Variants in PIEZO2 observed in about 807,000 individuals in gnomAD.
The protein encoded by PIEZO2 is piezo type mechanosensitive ion channel component 2.
PIEZO2 carries 172 observed loss-of-function variants against 337.3 expected under a neutral mutation model. That is an observed-to-expected ratio of 0.51 (90% CI 0.45 to 0.58). PIEZO2 has a LOEUF of 0.58. Among genes scored for constraint, PIEZO2 ranks in the 20% least tolerant of loss-of-function variants. The pLI, the probability that PIEZO2 is intolerant of heterozygous loss-of-function variation, is 0.00. For synonymous variants in PIEZO2, 1,251 were observed against 1,228.5 expected (o/e 1.02, Z -0.38); for missense variants, 3,028 against 3,391.3 (o/e 0.89, Z 2.66).
chr18:10,948,592 A>G (rs2033144014), intron 3 of PIEZO2, among the ~76,000 whole-genome samples: 1 of 152,208 alleles, frequency 6.6e-6, no homozygotes, highest in African/African-American at 2.4e-5. Context: ...AGGACATGAT[A>G]GAAATCACTT....
At chr18:10,770,710 T>C (rs2143973375) in intron 20 of PIEZO2, among the ~76,000 whole-genome samples, 1 of 151,560 alleles carries the variant, frequency 6.6e-6, no homozygotes, top group East Asian at 1.9e-4. Context: ...TTCTTCCTTT[T>C]CTTTTTCCCT....
chr18:10,735,598 C>T (rs974495651), intron 34 of PIEZO2, among the ~76,000 whole-genome samples: 11 of 152,062 alleles, frequency 7.2e-5, no homozygotes, highest in African/African-American at 1.9e-4. Flanking sequence ...AAAACTCTTT[C>T]GAATAAAAAT....
In PIEZO2 at chr18:11,105,795, C is replaced by T. The variant is rs373313359; in HGVS notation, c.65-39573G>A. 5.1e-4 allele frequency among the ~76,000 whole-genome samples: 77 copies of T among 152,230 alleles called. 1 individual carries two copies. The highest frequency in any genetic ancestry group is 3.4e-3 in the Middle Eastern group (1 of 294). On this transcript the variant is annotated intron_variant, in intron 1 of 55. Coordinates refer to ENST00000674853, the MANE Select transcript of PIEZO2 (RefSeq NM_001378183.1). The surrounding 1 kb of genome is among the most constrained non-coding windows in gnomAD (Gnocchi z 4.3). Reference sequence around the variant, plus strand: ...ATATTATAAAAGATAAGCAAAATTACGTTGGACAACAACCAGCAGCACATT... The same window carrying T: ...ATATTATAAAAGATAAGCAAAATTATGTTGGACAACAACCAGCAGCACATT...
intron 2 of PIEZO2, among the ~76,000 whole-genome samples, chr18:11,000,810 G>GGAGCA (rs2035505027): frequency 6.6e-6 from 1 of 152,300 alleles, no homozygotes; most frequent in South Asian, 2.1e-4. Flanking sequence ...GAGAGTTCTG[G>GGAGCA]GAGCAGACTG....
At chr18:10,902,210 C>A (rs748128569) in intron 4 of PIEZO2, among the ~76,000 whole-genome samples, 1 of 152,240 alleles carries the variant, frequency 6.6e-6, no homozygotes, top group Non-Finnish European at 1.5e-5. Context: ...CCCCTACCCC[C>A]ATCCGTGGAA....
intron 4 of PIEZO2, among the ~76,000 whole-genome samples, chr18:10,897,364 T>A (rs1349694791): frequency 2.0e-5 from 3 of 152,292 alleles, no homozygotes; most frequent in East Asian, 3.9e-4. Flanking sequence ...TTTCTTTGTA[T>A]TTTTAGTAGA....
Position 10,746,218 on chromosome 18 carries a change from GT to G in PIEZO2, c.4425-1988del, listed in dbSNP as rs1192108460. Among the ~76,000 whole-genome samples the G allele has an allele frequency of 6.6e-6, 1 of 152,192 alleles. No homozygotes were observed. Among genetic ancestry groups the G allele is most frequent in the Non-Finnish European group, 1.5e-5 (1 of 68,038 alleles). On this transcript the variant is annotated intron_variant, in intron 30 of 55. Coordinates refer to ENST00000674853, the MANE Select transcript of PIEZO2 (RefSeq NM_001378183.1). The surrounding 1 kb of genome is among the most constrained non-coding windows in gnomAD (Gnocchi z 4.2). ...TGCAAACACGTCATATTACTTGCTT[GT>G]TTAAACACTGCAAGGCCTTCCTAAG... is the stretch of plus-strand genomic sequence containing the variant.
In PIEZO2 at chr18:10,953,508, A is replaced by G. The variant is rs965670810; in HGVS notation, c.286+26027T>C. Reference sequence around the variant, plus strand: ...GAAAAGTGTATTCTTTCTTCACAAAATTGAATTTGTATCTCTATGGAAAAT... The same window carrying G: ...GAAAAGTGTATTCTTTCTTCACAAAGTTGAATTTGTATCTCTATGGAAAAT... On this transcript the variant is annotated intron_variant, in intron 3 of 55. Transcript: ENST00000674853. The surrounding 1 kb of genome is among the most constrained non-coding windows in gnomAD (Gnocchi z 5.2). 1.1e-4 allele frequency among the ~76,000 whole-genome samples: 17 copies of G among 152,190 alleles called. No homozygotes were observed. Among genetic ancestry groups the G allele is most frequent in the African/African-American group, 3.9e-4 (16 of 41,442 alleles).
chr18:11,120,224 T>C (rs1029415656), intron 1 of PIEZO2, among the ~76,000 whole-genome samples: 1 of 152,222 alleles, frequency 6.6e-6, no homozygotes, highest in South Asian at 2.1e-4. Flanking sequence ...AAACTTCTCA[T>C]CTGTTACAAA....
intron 7 of PIEZO2, among the ~76,000 whole-genome samples, chr18:10,809,130 G>T (rs922173962): frequency 2.0e-5 from 3 of 151,976 alleles, no homozygotes; most frequent in Non-Finnish European, 2.9e-5. Context: ...CTTAGATTTT[G>T]TATTAGCAAT....
chr18:10,726,804 G>A lies in PIEZO2; in HGVS notation c.5029+4603C>T. On this transcript the variant is annotated intron_variant, in intron 36 of 55. Coordinates refer to ENST00000674853, the MANE Select transcript of PIEZO2 (RefSeq NM_001378183.1). This position sits in a 1 kb window ranked among gnomAD's most constrained non-coding sequence, Gnocchi z 5.9. The stretch of plus-strand genomic sequence containing the variant: ...CCTATGAGGATGTGGACCACCTGCG[G>A]CCCCATGGGGTGCTGGATAATACCC... 6.4e-7 allele frequency: 1 copy of A among 1,556,884 alleles called. No homozygotes were observed. Among genetic ancestry groups the A allele is most frequent in the Non-Finnish European group, 8.8e-7 (1 of 1,135,806 alleles).
intron 7 of PIEZO2, among the ~76,000 whole-genome samples, chr18:10,811,533 A>C (rs1568086788): frequency 6.6e-6 from 1 of 152,202 alleles, no homozygotes; most frequent in Non-Finnish European, 1.5e-5. Flanking sequence ...AAAGAGAGAA[A>C]GGTAAGAAAC....
chr18:10,731,565 T>C (rs2036789897), intron 35 of PIEZO2, 44 bp from the exon 36 acceptor site: 2 of 1,342,524 alleles, frequency 1.5e-6, no homozygotes, highest in East Asian at 2.8e-5. Context: ...TTTAATAATT[T>C]GAAATAAAAG....
intron 52 of PIEZO2, among the ~76,000 whole-genome samples, chr18:10,678,994 G>A (rs1432362009): frequency 2.0e-5 from 3 of 150,078 alleles, no homozygotes; most frequent in Admixed American, 6.7e-5. Context: ...GTGCAGTGGC[G>A]TGATCTCAGC....
rs1339141004 is a variant in PIEZO2, at chr18:10,691,768, A to AACACACACACACACACACACACAC, written c.7191-386_7191-385insGTGTGTGTGTGTGTGTGTGTGTGT. 6.4e-4 allele frequency among the ~76,000 whole-genome samples: 48 copies of AACACACACACACACACACACACAC among 75,108 alleles called. 12 individuals are homozygous for AACACACACACACACACACACACAC. Among genetic ancestry groups the AACACACACACACACACACACACAC allele is most frequent in the Middle Eastern group, 6.6e-3 (1 of 152 alleles). The allele number at this position is 75,108 out of a possible 152,430, so 49.3% of individuals were successfully genotyped here. On this transcript the variant is annotated intron_variant, in intron 47 of 55. Transcript: ENST00000674853. ...ATATGATATATTAAAAATATATATA[A>AACACACACACACACACACACACAC]ACACACACACACACATATATATATA...
chr18:10,867,812 TTTAAGA>T (rs1461402153), intron 5 of PIEZO2, among the ~76,000 whole-genome samples: 1 of 152,258 alleles, frequency 6.6e-6, no homozygotes, highest in Non-Finnish European at 1.5e-5. Context: ...ACTCTTCTTA[TTTAAGA>T]TTTCAGATCA....
In PIEZO2 at chr18:10,672,767, C is replaced by T. The variant is rs138454862; in HGVS notation, c.8268G>A (p.Pro2756=). 347 of 1,614,044 alleles carry T rather than the reference C, an allele frequency of 2.1e-4. No individual in the cohort carries two copies. The African/African-American group carries it at 3.2e-3, about 15-fold the overall frequency. ...CCACCAGTTCCAGGGCCTGAGAGTT[C>T]GGATTGTATATTCTGTTTCCAGTCA... ...LNLTGNRIYN[P]NSQALELVVF... The change falls in exon 55 of 56, where the codon CCG becomes CCA. Residue 2756 remains proline, a synonymous_variant. Transcript: ENST00000674853. This position sits in a 1 kb window ranked among gnomAD's most constrained non-coding sequence, Gnocchi z 4.7.
At chr18:10,932,417 C>A (rs1168264445) in intron 3 of PIEZO2, among the ~76,000 whole-genome samples, 1 of 151,562 alleles carries the variant, frequency 6.6e-6, no homozygotes, top group African/African-American at 2.4e-5. Flanking sequence ...AACAAAAAAC[C>A]CACATCATCA....
chr18:10,857,084 A>G lies in PIEZO2; in HGVS notation c.620T>C (p.Val207Ala), dbSNP rs527795460. Reference sequence around the variant, plus strand: ...AATGAACTCCTTGAGCTTAGAGGCCACAGAGGCAAGCCTGCGGAACATTTT... The same window carrying G: ...AATGAACTCCTTGAGCTTAGAGGCCGCAGAGGCAAGCCTGCGGAACATTTT... ...KLKMFRRLAS[V>A]ASKLKEFIGN... Residue 207 changes from valine (V) to alanine (A), a missense_variant, in exon 6 of 56, where the codon GTG (valine) becomes GCG (alanine). Around this residue, in one of 5 missense-constraint regions of PIEZO2, gnomAD observed 542 missense variants for 605.6 expected, o/e 0.89. Transcript: ENST00000674853. The G allele has an allele frequency of 5.7e-5, 87 of 1,537,520 alleles. 1 individual carries two copies. In the Admixed American group the frequency reaches 1.6e-3, roughly 29 times the overall value.
Sources: gnomAD v4.1 joint callset for allele counts (sites outside exome capture counted in the v4.1 genomes callset) on GRCh38, gnomAD v4.1.1 for gene constraint, gnomAD v4.1.1 regional missense constraint, Gnocchi (gnomAD v3.1) non-coding constraint, MANE v1.5 for transcripts, NCBI Gene and HGNC (gene_info 2026-07-23, HGNC 2026-07-21) for gene names.